Variants in HTT observed in about 807,000 individuals in gnomAD.
The protein encoded by HTT is huntington disease protein.
A neutral mutation model predicts 362.3 loss-of-function variants in HTT; 104 were observed. The observed-to-expected ratio is 0.29, with a 90% CI of 0.24 to 0.34. The LOEUF (loss-of-function observed/expected upper bound fraction) is 0.34. HTT is among the 10% of genes least tolerant of loss of function. HTT has a pLI of 1.00. For synonymous variants in HTT, 1,577 were observed against 1,548.7 expected, an observed-to-expected ratio of 1.02 and a Z score of -0.43; for missense variants, 3,301 against 3,928.6, an observed-to-expected ratio of 0.84 and a Z score of 4.27.
intron 53 of HTT, among the ~76,000 whole-genome samples, chr4:3,221,857 C>T (rs1291007481): frequency 6.6e-6 from 1 of 152,260 alleles, no homozygotes; most frequent in African/African-American, 2.4e-5. Flanking sequence ...GTCAGAGGAA[C>T]CATTACTTTG....
At chr4:3,155,828 G>A (rs916170472) in intron 27 of HTT, among the ~76,000 whole-genome samples, 3 of 150,878 alleles carry the variant, frequency 2.0e-5, no homozygotes, top group Non-Finnish European at 4.4e-5. Flanking sequence ...AATCTGGCAG[G>A]TGGAGGTTGC....
At chr4:3,198,908 G>T (rs965402095) in intron 40 of HTT, among the ~76,000 whole-genome samples, 1 of 152,204 alleles carries the variant, frequency 6.6e-6, no homozygotes, top group Non-Finnish European at 1.5e-5. Context: ...CCTGCAGAGG[G>T]CACACAGAGC....
At chr4:3,214,161 G>C (rs367731348) in intron 50 of HTT, 26 bp downstream of exon 50, 1,484 of 1,436,794 alleles carry the variant, frequency 1.0e-3, no homozygotes, top group Non-Finnish European at 1.3e-3. Flanking sequence ...TGAACGGTGG[G>C]TTCCTATCAT....
At chr4:3,201,090 C>G (rs1719510146) in intron 41 of HTT, among the ~76,000 whole-genome samples, 1 of 152,252 alleles carries the variant, frequency 6.6e-6, no homozygotes, top group African/African-American at 2.4e-5. Context: ...GTTTGGAATT[C>G]AGCAAGCGTC....
intron 64 of HTT, among the ~76,000 whole-genome samples, chr4:3,237,584 A>G (rs932615040): frequency 1.3e-5 from 2 of 152,064 alleles, no homozygotes; most frequent in African/African-American, 4.8e-5. Context: ...CAGACGCCAC[A>G]GGGAGGCACC....
In HTT at chr4:3,218,043, T is replaced by C; in HGVS notation, c.7242+91T>C. Reference sequence around the variant, plus strand: ...GCACACGTGAGAGGGCGGGACAGAATCCCCGCAGCCCAGAGGCTGCCTGCT... The same window carrying C: ...GCACACGTGAGAGGGCGGGACAGAACCCCCGCAGCCCAGAGGCTGCCTGCT... On this transcript the variant is annotated intron_variant, in intron 52 of 66. Coordinates refer to ENST00000355072, the MANE Select transcript of HTT (RefSeq NM_001388492.1). This position sits in a 1 kb window ranked among gnomAD's most constrained non-coding sequence, Gnocchi z 4.4. 1.8e-6 allele frequency: 2 copies of C among 1,141,684 alleles called. No individual in the cohort carries two copies. The highest frequency in any genetic ancestry group is 2.4e-6 in the Non-Finnish European group (2 of 817,312). 70.7% of individuals were successfully genotyped at this position (1,141,684 alleles called of 1,614,324 possible). A position where few individuals can be genotyped will look rare whatever the true frequency, so the allele number is the denominator to read the frequency against.
intron 2 of HTT, among the ~76,000 whole-genome samples, chr4:3,097,233 G>A (rs1713899320): frequency 6.6e-6 from 1 of 152,110 alleles, no homozygotes; most frequent in African/African-American, 2.4e-5. Flanking sequence ...GGTTCATCAA[G>A]AACATCAATA....
chr4:3,224,888 A>G (rs1414417691), intron 56 of HTT, among the ~76,000 whole-genome samples: 1 of 152,212 alleles, frequency 6.6e-6, no homozygotes, highest in African/African-American at 2.4e-5. Flanking sequence ...CAAGGAGCTC[A>G]TAAGTCAGGA....
At chr4:3,148,801 A>G (rs73073018) in intron 26 of HTT, among the ~76,000 whole-genome samples, 10,880 of 148,842 alleles carry the variant, frequency 0.073, 548 homozygotes, top group African/African-American at 0.15. Context: ...CCGTCTCAAA[A>G]AAAAAATTAG....
At chr4:3,082,190 T>C (rs1712948650) in intron 1 of HTT, among the ~76,000 whole-genome samples, 2 of 152,348 alleles carry the variant, frequency 1.3e-5, no homozygotes, top group Middle Eastern at 3.4e-3. Context: ...AATTGCTATG[T>C]AATATTTTAG....
rs1421777641 is a variant in HTT, at chr4:3,162,761, T to C, written c.3864+2369T>C. ...TGGTGTATAGGAATGCTTGTGATTT[T>C]TGCACATTGATTTTGTATCCTGAGA... On this transcript the variant is annotated intron_variant, in intron 29 of 66. Transcript: ENST00000355072. Among the ~76,000 whole-genome samples, 6 of 152,350 alleles carry C rather than the reference T, an allele frequency of 3.9e-5. 1 individual carries two copies. Among genetic ancestry groups the C allele is most frequent in the African/African-American group, 1.4e-4 (6 of 41,578 alleles).
rs1720214614 is a variant in HTT at position 3,212,600 on chromosome 4, C to T, written c.6665C>T (p.Ala2222Val). ...CTGTATCAGTCCCTGCCCACTCTGG[C>T]CCGGGCCCTGGCACAGTACCTGGTG... ...AALYQSLPTL[A>V]RALAQYLVVV... is the part of the protein sequence containing the mutation. Residue 2222 changes from alanine to valine, a missense_variant, in exon 49 of 67, where the codon GCC (alanine) becomes GTC (valine). Physicochemically the swap from Ala to Val is moderately conservative, Grantham distance 64 (BLOSUM62 0). Coordinates refer to ENST00000355072, the MANE Select transcript of HTT (RefSeq NM_001388492.1). 1 of 1,614,122 alleles carries T rather than the reference C, an allele frequency of 6.2e-7. No homozygotes were observed. The highest frequency in any genetic ancestry group is 1.3e-5 in the African/African-American group (1 of 74,940).
chr4:3,174,195 A>G (rs566234904), intron 31 of HTT, among the ~76,000 whole-genome samples: 1 of 152,312 alleles, frequency 6.6e-6, no homozygotes, highest in South Asian at 2.1e-4. Context: ...TTAGTGATGT[A>G]CTTACTATAT....
chr4:3,160,992 T>TA (rs1717413589), intron 29 of HTT, among the ~76,000 whole-genome samples: 1 of 152,220 alleles, frequency 6.6e-6, no homozygotes, highest in African/African-American at 2.4e-5. Context: ...TACATAGGTA[T>TA]ACACGTGCCA....
chr4:3,243,691 A>G lies in HTT; in HGVS notation c.*3632A>G, dbSNP rs893819003. On this transcript the variant is annotated 3_prime_UTR_variant, in exon 67 of 67. Transcript: ENST00000355072. ...CTGCCAGCCTTGGAGGATCGTGGCC[A>G]ACGTGGACCTGCCTACGGAGGGTGG... is the stretch of plus-strand genomic sequence containing the variant. 3 of 152,284 alleles carry G rather than the reference A, an allele frequency of 2.0e-5. No homozygotes were observed. The highest frequency in any genetic ancestry group is 4.4e-5 in the Non-Finnish European group (3 of 68,076). The allele number at this position is 152,284 out of a possible 1,614,324, so 9.4% of individuals were successfully genotyped here.
In HTT at chr4:3,080,584, G is replaced by A. The variant is rs113499616; in HGVS notation, c.263+5496G>A. On this transcript the variant is annotated intron_variant, in intron 1 of 66. Coordinates refer to ENST00000355072, the MANE Select transcript of HTT (RefSeq NM_001388492.1). ...TACTTTCTTGATAGTGTCTTTTGAA[G>A]TGTAAAAGTTTTTAATTTTGATGAA... is the stretch of plus-strand genomic sequence containing the variant. Among the ~76,000 whole-genome samples, 1,169 of 152,232 alleles carry A rather than the reference G, an allele frequency of 7.7e-3. 17 individuals carry two copies. The highest frequency in any genetic ancestry group is 0.027 in the African/African-American group (1,115 of 41,518).
intron 23 of HTT, among the ~76,000 whole-genome samples, chr4:3,143,896 C>T (rs540026418): frequency 1.3e-5 from 2 of 152,116 alleles, no homozygotes; most frequent in Non-Finnish European, 2.9e-5. Flanking sequence ...AGCCACCATG[C>T]CTGGCCTTAC....
rs776990415 is a variant in HTT, at chr4:3,186,605, T to C, written c.4875T>C (p.Ile1625=). Residue 1625 remains isoleucine, a synonymous_variant, in exon 38 of 67, where the codon ATT becomes ATC. Coordinates refer to ENST00000355072, the MANE Select transcript of HTT (RefSeq NM_001388492.1). ...GGTGTCTAATTCCACAGATGCACAT[T>C]GACTCTCATGAAGCCCTTGGAGTGT... The part of the protein sequence containing the change: ...LPMLAKQQMH[I]DSHEALGVLN... 1.2e-6 allele frequency: 2 copies of C among 1,612,970 alleles called. No individual in the cohort carries two copies. Among genetic ancestry groups the C allele is most frequent in the Non-Finnish European group, 1.7e-6 (2 of 1,179,280 alleles).
intron 28 of HTT, among the ~76,000 whole-genome samples, chr4:3,158,228 C>T (rs939510192): frequency 2.6e-5 from 4 of 152,194 alleles, no homozygotes; most frequent in African/African-American, 9.7e-5. Context: ...AGTAATCCTC[C>T]CTCCTTGGCC....
Sources: gnomAD v4.1 joint callset for allele counts (sites outside exome capture counted in the v4.1 genomes callset) on GRCh38, gnomAD v4.1.1 for gene constraint, Gnocchi (gnomAD v3.1) non-coding constraint, MANE v1.5 for transcripts, NCBI Gene and HGNC (gene_info 2026-07-23, HGNC 2026-07-21) for gene names.